RNF157: variants seen among roughly 807,000 people sequenced by gnomAD.
RNF157 encodes E3 ubiquitin ligase RNF157.
RNF157 carries 55 observed loss-of-function variants against 88.3 expected under a neutral mutation model. The ratio of observed to expected loss-of-function variants is 0.62; its 90% CI spans 0.50 to 0.78. RNF157 has a LOEUF of 0.78. Among genes scored for constraint, RNF157 ranks in the 30% least tolerant of loss-of-function variants. The pLI is 0.00. For missense variants in RNF157, 788 were observed against 860.8 expected (o/e 0.92, Z 1.06); for synonymous variants, 334 against 341.2 (o/e 0.98, Z 0.23).
In RNF157 at chr17:76,209,474, T is replaced by A. The variant is rs1349963160; in HGVS notation, c.207+2890A>T. Among the ~76,000 whole-genome samples the A allele has an allele frequency of 4.1e-5, 6 of 144,722 alleles. No individual in the cohort carries two copies. In the East Asian group the frequency reaches 1.2e-3, roughly 28 times the overall value. 94.9% of individuals were successfully genotyped at this position (144,722 alleles called of 152,430 possible). On this transcript the variant is annotated intron_variant, in intron 2 of 18. Coordinates refer to ENST00000269391, the MANE Select transcript of RNF157 (RefSeq NM_052916.3). The stretch of plus-strand genomic sequence containing the variant: ...AAACTTTCTTAAAACATTGTAAGAT[T>A]TTTTTGCGTTTTTTTTTTTCTTTTT...
Position 76,173,015 on chromosome 17 carries a change from G to T in RNF157, c.296+687C>A, listed in dbSNP as rs139399256. 3.1e-3 allele frequency among the ~76,000 whole-genome samples: 479 copies of T among 152,238 alleles called. 1 individual carries two copies. Among genetic ancestry groups the T allele is most frequent in the African/African-American group, 0.01 (422 of 41,558 alleles). On this transcript the variant is annotated intron_variant, in intron 3 of 18. Coordinates refer to ENST00000269391, the MANE Select transcript of RNF157 (RefSeq NM_052916.3). The stretch of plus-strand genomic sequence containing the variant: ...AAAAAAGAAAAAGAAGGCTGGGCGC[G>T]GTGGCTCACGCCTGTAATCCCAGCA...
At chr17:76,194,592 T>C (rs1165738863) in intron 2 of RNF157, among the ~76,000 whole-genome samples, 1 of 152,216 alleles carries the variant, frequency 6.6e-6, no homozygotes, top group Non-Finnish European at 1.5e-5. Context: ...TATGTCCTCT[T>C]CCATGATTGT....
intron 1 of RNF157, among the ~76,000 whole-genome samples, chr17:76,235,390 G>C (rs2070265446): frequency 6.6e-6 from 1 of 152,044 alleles, no homozygotes; most frequent in Non-Finnish European, 1.5e-5. Context: ...AGTAGAGACG[G>C]GGTTTCACCA....
rs572375865 is a variant in RNF157 at position 76,156,105 on chromosome 17, A to G, written c.1525+105T>C. The G allele has an allele frequency of 4.3e-5, 36 of 834,808 alleles. No individual in the cohort carries two copies. In the African/African-American group the frequency reaches 5.4e-4, roughly 12 times the overall value. The allele number at this position is 834,808 out of a possible 1,614,324, so 51.7% of individuals were successfully genotyped here. ...CCAGGGCCTACTTGTCATGCAGTAC[A>G]GGTATTAGCTTGCCACTCCCATGTC... is the stretch of plus-strand genomic sequence containing the variant. On this transcript the variant is annotated intron_variant, in intron 14 of 18. Transcript: ENST00000269391.
rs375470131 is a variant in RNF157 at position 76,173,757 on chromosome 17, C to T, written c.241G>A (p.Val81Met). 28 of 1,610,790 alleles carry T rather than the reference C, an allele frequency of 1.7e-5. No individual in the cohort carries two copies. Among genetic ancestry groups the T allele is most frequent in the Admixed American group, 5.0e-5 (3 of 59,744 alleles). ...TTGACCAGGCTTCTCAGAGTCTTCA[C>T]GGGTTCTTGGGGAGGTGGGGCGGCG... ...PYAAPPPQEP[V>M]KTLRSLVNIR... is the part of the protein sequence containing the mutation. The change falls in exon 3 of 19, where the codon GTG becomes ATG. Residue 81 changes from valine (V) to methionine (M), a missense_variant. Physicochemically the swap from Val to Met is conservative, Grantham distance 21 (BLOSUM62 1). Transcript: ENST00000269391.
chr17:76,153,982 A>C, intron 17 of RNF157: 1 of 316,328 alleles, frequency 3.2e-6, no homozygotes, highest in Non-Finnish European at 5.9e-6. Flanking sequence ...GAGGCTGATG[A>C]TGGGAGCTGC....
intron 2 of RNF157, among the ~76,000 whole-genome samples, chr17:76,197,685 C>T (rs1221815906): frequency 6.6e-6 from 1 of 152,180 alleles, no homozygotes; most frequent in Non-Finnish European, 1.5e-5. Flanking sequence ...CTTCCCACCT[C>T]AGCCTCCCGA....
intron 15 of RNF157, 99 bp from the exon 16 acceptor site, chr17:76,155,416 C>G (rs745660491): frequency 2.9e-5 from 43 of 1,458,898 alleles, no homozygotes; most frequent in Non-Finnish European, 4.0e-5. Context: ...ATAGGAGGGT[C>G]AGACCTAAGG....
At chr17:76,158,637 C>T in intron 12 of RNF157, 136 bp from the exon 13 acceptor site, 1 of 632,258 alleles carries the variant, frequency 1.6e-6, no homozygotes, top group Non-Finnish European at 2.9e-6. Flanking sequence ...ATTATGTTTC[C>T]CAGGCTGGGC....
In RNF157 at chr17:76,172,607, C is replaced by CAAAAA. The variant is rs35297368; in HGVS notation, c.296+1090_296+1094dup. ...GGGCAACAAGAGCAAAACTCCATCT[C>CAAAAA]AAAAAAAAAAAAAAAAAAAAAAAAA... On this transcript the variant is annotated intron_variant, in intron 3 of 18. Transcript: ENST00000269391. 3.4e-3 allele frequency among the ~76,000 whole-genome samples: 109 copies of CAAAAA among 31,712 alleles called. 13 individuals are homozygous for CAAAAA. The highest frequency in any genetic ancestry group is 0.013 in the African/African-American group (105 of 8,082). 20.8% of individuals were successfully genotyped at this position (31,712 alleles called of 152,430 possible).
chr17:76,230,161 T>A (rs2070162624), intron 1 of RNF157, among the ~76,000 whole-genome samples: 1 of 152,230 alleles, frequency 6.6e-6, no homozygotes, highest in Admixed American at 6.5e-5. Flanking sequence ...GATCATAATG[T>A]GAGTCCTTTG....
intron 18 of RNF157, among the ~76,000 whole-genome samples, chr17:76,148,415 C>T (rs953970536): frequency 7.9e-5 from 12 of 151,802 alleles, no homozygotes; most frequent in African/African-American, 2.4e-4. Flanking sequence ...TACAGGCACT[C>T]GCCACCACGC....
intron 2 of RNF157, among the ~76,000 whole-genome samples, chr17:76,205,145 C>CT (rs112594629): frequency 0.032 from 4,549 of 142,738 alleles, 196 homozygotes; most frequent in African/African-American, 0.098. Flanking sequence ...TTTTTTCTTT[C>CT]TTTTTTTTTT....
intron 3 of RNF157, among the ~76,000 whole-genome samples, chr17:76,170,139 T>C (rs1030614820): frequency 6.6e-6 from 1 of 152,140 alleles, no homozygotes; most frequent in Admixed American, 6.5e-5. Flanking sequence ...ACAGTTTTCC[T>C]CTCTCTTGAC....
intron 18 of RNF157, 90 bp from the exon 19 acceptor site, chr17:76,145,443 GAAGGA>G: frequency 1.1e-6 from 1 of 888,566 alleles, no homozygotes; most frequent in Non-Finnish European, 1.8e-6. Context: ...AGCCGGCACG[GAAGGA>G]GCAGGATGCG....
rs781640190 is a variant in RNF157, at chr17:76,161,820, C to A, written c.952+23G>T. 4.4e-6 allele frequency: 7 copies of A among 1,609,066 alleles called. No individual in the cohort carries two copies. In the Admixed American group the frequency reaches 1.2e-4, roughly 27 times the overall value. ...CTTGTCCCCTCTCCCACCCACCAGT[C>A]CCCCTGCCGCTCTGGGGCTTACGCA... On this transcript the variant is annotated intron_variant, in intron 10 of 18. Coordinates refer to ENST00000269391, the MANE Select transcript of RNF157 (RefSeq NM_052916.3). This position sits in a 1 kb window ranked among gnomAD's most constrained non-coding sequence, Gnocchi z 4.6.
intron 1 of RNF157, among the ~76,000 whole-genome samples, chr17:76,215,591 T>C (rs184954559): frequency 2.1e-5 from 3 of 142,454 alleles, no homozygotes; most frequent in Admixed American, 1.4e-4. Context: ...GGAGAAGCCA[T>C]AGGAAGGAAG....
intron 2 of RNF157, among the ~76,000 whole-genome samples, chr17:76,187,750 C>T (rs2069318008): frequency 6.6e-6 from 1 of 152,082 alleles, no homozygotes. Context: ...CTTGCCACCA[C>T]ATCCAGCTAA....
At chr17:76,225,058 G>C (rs1331652781) in intron 1 of RNF157, among the ~76,000 whole-genome samples, 1 of 152,156 alleles carries the variant, frequency 6.6e-6, no homozygotes, top group Non-Finnish European at 1.5e-5. Context: ...TGTAATCCCA[G>C]CTACTTGGGA....
Sources: allele counts gnomAD v4.1 joint callset (sites outside exome capture counted in the v4.1 genomes callset), GRCh38; gene constraint gnomAD v4.1.1; non-coding constraint Gnocchi (gnomAD v3.1); transcripts MANE v1.5; gene names NCBI Gene and HGNC (gene_info 2026-07-23, HGNC 2026-07-21).